The following CBFA2T2 variants were observed in gnomAD, a reference collection of about 807,000 sequenced individuals.
The protein encoded by CBFA2T2 is CBFA2/RUNX1 partner transcriptional co-repressor 2, also known as protein CBFA2T2.
Under a neutral mutation model 62.2 loss-of-function variants are expected in CBFA2T2, and 11 were observed. The observed-to-expected ratio is 0.18, with a 90% CI of 0.11 to 0.29. The LOEUF (loss-of-function observed/expected upper bound fraction) is 0.29. Among genes scored for constraint, CBFA2T2 ranks in the 10% least tolerant of loss-of-function variants. The pLI, the probability that CBFA2T2 is intolerant of heterozygous loss-of-function variation, is 1.00. For synonymous variants in CBFA2T2, 295 were observed against 287.5 expected (o/e 1.03, Z -0.27); for missense variants, 592 against 774.1 (o/e 0.76, Z 2.79).
intron 8 of CBFA2T2, 71 bp downstream of exon 8, chr20:33,629,985 G>A (rs2016391202): frequency 7.3e-7 from 1 of 1,361,736 alleles, no homozygotes; most frequent in Middle Eastern, 2.7e-4. Context: ...GTCACAGAAG[G>A]CGTTTTCTAC....
intron 1 of CBFA2T2, among the ~76,000 whole-genome samples, chr20:33,521,757 C>T (rs2011735517): frequency 6.6e-6 from 1 of 151,950 alleles, no homozygotes; most frequent in South Asian, 2.1e-4. Context: ...TACCTTGGCA[C>T]AGGTGTTGCC....
rs145290554 is a variant in CBFA2T2 at position 33,615,828 on chromosome 20, A to G, written c.421-3689A>G. Among the ~76,000 whole-genome samples, 786 of 152,302 alleles carry G rather than the reference A, an allele frequency of 5.2e-3. 9 individuals are homozygous for G. The highest frequency in any genetic ancestry group is 0.018 in the African/African-American group (757 of 41,574). ...GACCCAAGGGACTACATAAGCAGTG[A>G]GTTCCCTAGGTTTTGTGTTTTTCTG... On this transcript the variant is annotated intron_variant, in intron 3 of 10. Coordinates refer to ENST00000342704, the MANE Select transcript of CBFA2T2 (RefSeq NM_001032999.3).
intron 7 of CBFA2T2, among the ~76,000 whole-genome samples, chr20:33,629,090 T>C (rs2016355454): frequency 6.6e-6 from 1 of 152,202 alleles, no homozygotes; most frequent in Non-Finnish European, 1.5e-5. Context: ...CTGGGCAACA[T>C]AGCAAGATGG....
In CBFA2T2 at chr20:33,490,179, G is replaced by A. The variant is rs1231231433; in HGVS notation, c.-89G>A. On this transcript the variant is annotated 5_prime_UTR_variant, in exon 1 of 11. Transcript: ENST00000342704. ...AGATCTCGCGGCGACGCCTGCGAGG[G>A]ACCCGGGCCGCGGGTCGAGGCGGGC... is the stretch of plus-strand genomic sequence containing the variant. 2 of 1,186,638 alleles carry A rather than the reference G, an allele frequency of 1.7e-6. No homozygotes were observed. The highest frequency in any genetic ancestry group is 2.1e-6 in the Non-Finnish European group (2 of 955,576). The allele number at this position is 1,186,638 out of a possible 1,614,324, so 73.5% of individuals were successfully genotyped here.
intron 1 of CBFA2T2, among the ~76,000 whole-genome samples, chr20:33,548,748 G>T (rs753407759): frequency 1.3e-5 from 2 of 152,108 alleles, no homozygotes; most frequent in Non-Finnish European, 2.9e-5. Flanking sequence ...TTGAGGCCAG[G>T]AGTTGAAGAC....
chr20:33,490,380 C>A, intron 1 of CBFA2T2, 79 bp downstream of exon 1: 1 of 1,203,578 alleles, frequency 8.3e-7, no homozygotes. Context: ...ATTCCGAGTG[C>A]CCCGGGCGCG....
At chr20:33,607,205 A>C in intron 2 of CBFA2T2, 106 bp downstream of exon 2, 1 of 1,023,630 alleles carries the variant, frequency 9.8e-7, no homozygotes, top group South Asian at 2.6e-5. Context: ...TTTTCAAAGT[A>C]CTATTGAAAA....
intron 1 of CBFA2T2, among the ~76,000 whole-genome samples, chr20:33,510,041 A>G (rs753938193): frequency 7.9e-5 from 12 of 151,756 alleles, no homozygotes; most frequent in African/African-American, 1.2e-4. Flanking sequence ...TCATTGTTCA[A>G]TTCCCACCTG....
chr20:33,537,644 T>A (rs1304119709), intron 1 of CBFA2T2, among the ~76,000 whole-genome samples: 1 of 152,228 alleles, frequency 6.6e-6, no homozygotes, highest in African/African-American at 2.4e-5. Flanking sequence ...TTTTTAGATT[T>A]ACATGTAGAT....
At position 33,629,138 on chromosome 20, in the gene CBFA2T2, C is replaced by CTTTCTTTTTATTTTTATTTTTA. The variant is rs1403858971; in HGVS notation, c.1033-566_1033-565insATTTTTATTTCTTTTTATTTTT. Among the ~76,000 whole-genome samples the CTTTCTTTTTATTTTTATTTTTA allele has an allele frequency of 3.3e-5, 5 of 152,120 alleles. No individual in the cohort carries two copies. The East Asian group carries it at 9.6e-4, about 29-fold the overall frequency. On this transcript the variant is annotated intron_variant, in intron 7 of 10. Transcript: ENST00000342704. ...TTTGTTAAATTTTTATCAAAAGAAA[C>CTTTCTTTTTATTTTTATTTTTA]TTTCTTTTTATTTTTTTCAATTCTG... is the stretch of plus-strand genomic sequence containing the variant.
At chr20:33,517,446 T>A (rs2011619866) in intron 1 of CBFA2T2, among the ~76,000 whole-genome samples, 1 of 149,282 alleles carries the variant, frequency 6.7e-6, no homozygotes, top group South Asian at 2.1e-4. Flanking sequence ...TTTTGGTTTT[T>A]TTGGTGTTTT....
intron 1 of CBFA2T2, among the ~76,000 whole-genome samples, chr20:33,561,101 C>G (rs1000734123): frequency 5.3e-5 from 8 of 152,180 alleles, no homozygotes; most frequent in Non-Finnish European, 1.0e-4. Flanking sequence ...TGGTCTTGAT[C>G]TCTTGAGCTT....
intron 8 of CBFA2T2, among the ~76,000 whole-genome samples, chr20:33,634,290 A>G (rs950228094): frequency 6.6e-6 from 1 of 152,202 alleles, no homozygotes; most frequent in African/African-American, 2.4e-5. Context: ...AAGAAAAAGA[A>G]TACTTAATCA....
At chr20:33,543,438 C>A (rs1402875611) in intron 1 of CBFA2T2, among the ~76,000 whole-genome samples, 1 of 152,168 alleles carries the variant, frequency 6.6e-6, no homozygotes, top group African/African-American at 2.4e-5. Context: ...AGTTAACATT[C>A]AAGGCAGTTC....
At chr20:33,553,616 CG>C (rs1216189416) in intron 1 of CBFA2T2, among the ~76,000 whole-genome samples, 4 of 152,180 alleles carry the variant, frequency 2.6e-5, no homozygotes, top group Non-Finnish European at 2.9e-5. Flanking sequence ...CCTGCTAATG[CG>C]GCAGGAAAGC....
chr20:33,534,766 T>TTC (rs2012160582), intron 1 of CBFA2T2, among the ~76,000 whole-genome samples: 1 of 145,502 alleles, frequency 6.9e-6, no homozygotes, highest in Admixed American at 6.9e-5. Flanking sequence ...TTTTTTTTTT[T>TTC]TTTTTTGAGC....
intron 1 of CBFA2T2, among the ~76,000 whole-genome samples, chr20:33,503,988 TCA>T (rs2011353417): frequency 6.6e-6 from 1 of 152,200 alleles, no homozygotes; most frequent in Non-Finnish European, 1.5e-5. Flanking sequence ...GTAAGTTTTC[TCA>T]CACCCCTTTC....
At chr20:33,537,269 G>A (rs921838117) in intron 1 of CBFA2T2, among the ~76,000 whole-genome samples, 13 of 152,380 alleles carry the variant, frequency 8.5e-5, no homozygotes, top group African/African-American at 2.9e-4. Flanking sequence ...CGGATCACTC[G>A]CGGTTAGGAG....
At chr20:33,563,877 C>G (rs955148638) in intron 1 of CBFA2T2, among the ~76,000 whole-genome samples, 2 of 152,156 alleles carry the variant, frequency 1.3e-5, no homozygotes, top group Non-Finnish European at 2.9e-5. Context: ...CTTCCTCTTG[C>G]TGTACTCGTC....
Sources: allele counts gnomAD v4.1 joint callset (sites outside exome capture counted in the v4.1 genomes callset), GRCh38; gene constraint gnomAD v4.1.1; transcripts MANE v1.5; gene names NCBI Gene and HGNC (gene_info 2026-07-23, HGNC 2026-07-21).